The following TCN1 variants were observed in gnomAD, a reference collection of about 807,000 sequenced individuals.
TCN1 encodes transcobalamin 1, also known as transcobalamin-1.
In TCN1, 47 loss-of-function variants were observed where a neutral mutation model predicts 46.3. That is an observed-to-expected ratio of 1.01 (90% CI 0.80 to 1.29). The LOEUF (loss-of-function observed/expected upper bound fraction) is 1.29, where lower values mean the gene tolerates loss of function less well. TCN1 is among the 50% of genes most tolerant of loss of function. The pLI is 0.00. For synonymous variants in TCN1, 183 were observed against 192.5 expected (o/e 0.95, Z 0.41); for missense variants, 532 against 511.0 (o/e 1.04, Z -0.40).
rs745904987 is a variant in TCN1 at position 59,864,063 on chromosome 11, G to C, written c.103C>G (p.Arg35Gly). The change falls in exon 2 of 9, where the codon CGC becomes GGC. Residue 35 changes from arginine to glycine, a missense_variant. Coordinates refer to ENST00000257264, the MANE Select transcript of TCN1 (RefSeq NM_001062.4). ...ATTGTATTCAACAGAGGTTTTAGGCGGATGTAGTTTTCTTCACTTACCTCT... is the reference window on the plus strand; with the variant it reads ...ATTGTATTCAACAGAGGTTTTAGGCCGATGTAGTTTTCTTCACTTACCTCT... Reference protein sequence around the residue: ...ICEVSEENYIRLKPLLNTMIQ... With the variant: ...ICEVSEENYIGLKPLLNTMIQ... 6.2e-7 allele frequency: 1 copy of C among 1,613,830 alleles called. No individual in the cohort carries two copies. The highest frequency in any genetic ancestry group is 1.1e-5 in the South Asian group (1 of 91,078).
At position 59,866,464 on chromosome 11, in the gene TCN1, G is replaced by C. The variant is rs779076613; in HGVS notation, c.7C>G (p.Gln3Glu). The C allele has an allele frequency of 2.5e-6, 4 of 1,613,412 alleles. No homozygotes were observed. The highest frequency in any genetic ancestry group is 1.3e-5 in the African/African-American group (1 of 75,024). The change falls in exon 1 of 9, where the codon CAG becomes GAG. Residue 3 changes from glutamine (Q) to glutamate (E), a missense_variant. Coordinates refer to ENST00000257264, the MANE Select transcript of TCN1 (RefSeq NM_001062.4). ...CCCACTAGGGGCAGCTGGTGTGACT[G>C]TCTCATCTCTCCAACAGTGTACCAG... MRQSHQLPLVGLL... is the reference protein window; with the variant it reads MRESHQLPLVGLL...
At chr11:59,857,619 C>G (rs934196132) in intron 5 of TCN1, among the ~76,000 whole-genome samples, 3 of 151,990 alleles carry the variant, frequency 2.0e-5, no homozygotes, top group Non-Finnish European at 4.4e-5. Flanking sequence ...CTGAGTCAGC[C>G]TGGAAAATAT....
At position 59,863,765 on chromosome 11, in the gene TCN1, T is replaced by G. The variant is rs1169037455; in HGVS notation, c.259+142A>C. ...ATGGCATGGGATTGTATTTTGGGCA[T>G]GTTTCTGTTACCTCAAGTTTGGTAC... On this transcript the variant is annotated intron_variant, in intron 2 of 8. Transcript: ENST00000257264. 4.1e-6 allele frequency: 4 copies of G among 974,602 alleles called. No individual in the cohort carries two copies. In the East Asian group the frequency reaches 7.7e-5, roughly 19 times the overall value. 60.4% of individuals were successfully genotyped at this position (974,602 alleles called of 1,614,324 possible).
chr11:59,852,989 A>G lies in TCN1; in HGVS notation c.1288T>C (p.Trp430Arg), dbSNP rs920298124. Residue 430 changes from tryptophan (W) to arginine (R), a missense_variant, in exon 9 of 9, where the codon TGG becomes CGG. Trp to Arg is a moderately radical substitution (Grantham distance 101, BLOSUM62 -3). Transcript: ENST00000257264. ...VRNGENLEVR[W>R]SKY ...GTTTGGGCTTATTAGTATTTGCTCC[A>G]GCGAACCTCCAAGTTTTCTCCATTG... 3.1e-6 allele frequency: 5 copies of G among 1,614,178 alleles called. No homozygotes were observed. Among genetic ancestry groups the G allele is most frequent in the Non-Finnish European group, 3.4e-6 (4 of 1,180,018 alleles).
intron 4 of TCN1, among the ~76,000 whole-genome samples, chr11:59,859,551 T>C (rs1011514206): frequency 7.9e-5 from 12 of 152,224 alleles, no homozygotes; most frequent in Non-Finnish European, 1.8e-4. Flanking sequence ...CCACTTAAGG[T>C]TACTTAAGGG....
chr11:59,864,933 G>A (rs1257673785), intron 1 of TCN1, among the ~76,000 whole-genome samples: 1 of 152,086 alleles, frequency 6.6e-6, no homozygotes, highest in East Asian at 1.9e-4. Context: ...CACATTTTGT[G>A]CTCCTTAACT....
chr11:59,862,547 A>G, intron 3 of TCN1, 35 bp downstream of exon 3: 2 of 1,610,396 alleles, frequency 1.2e-6, no homozygotes, highest in Non-Finnish European at 1.7e-6. Context: ...GGAGAAGACA[A>G]GGTAGTCTAG....
rs746127003 is a variant in TCN1, at chr11:59,859,060, T to C, written c.747+17A>G. The C allele has an allele frequency of 1.2e-5, 20 of 1,611,744 alleles. 1 individual carries two copies. In the South Asian group the frequency reaches 2.0e-4, roughly 16 times the overall value. The stretch of plus-strand genomic sequence containing the variant: ...GAAGACTCCCTTCTCTGCCTCCTGT[T>C]TCACCCTCTGACTTACCTGCATGGC... On this transcript the variant is annotated intron_variant, in intron 5 of 8. Transcript: ENST00000257264.
chr11:59,864,126 G>A (rs1314566736), intron 1 of TCN1, 40 bp from the exon 2 acceptor site: 2 of 1,602,364 alleles, frequency 1.2e-6, no homozygotes, highest in East Asian at 2.2e-5. Flanking sequence ...CACATACTCA[G>A]AAAATAGTAA....
At position 59,854,790 on chromosome 11, in the gene TCN1, G is replaced by A. The variant is rs762045525; in HGVS notation, c.983C>T (p.Pro328Leu). ...GACGGAGATATATGATTGTGAGTCA[G>A]GAGGTGTCACAGTTATAGGCTCATC... ...SADEPITVTP[P>L]DSQSYISVNY... Residue 328 changes from proline to leucine, a missense_variant, in exon 7 of 9, where the codon CCT (proline) becomes CTT (leucine). Coordinates refer to ENST00000257264, the MANE Select transcript of TCN1 (RefSeq NM_001062.4). The A allele has an allele frequency of 5.0e-6, 8 of 1,614,058 alleles. No homozygotes were observed. The highest frequency in any genetic ancestry group is 6.8e-6 in the Non-Finnish European group (8 of 1,179,918).
At chr11:59,861,423 G>A in intron 4 of TCN1, 104 bp downstream of exon 4, 1 of 1,266,446 alleles carries the variant, frequency 7.9e-7, no homozygotes, top group Non-Finnish European at 1.2e-6. Flanking sequence ...GAGCAAAGAG[G>A]GTAGAAAATA....
chr11:59,857,336 GCTC>G (rs1852955150), intron 5 of TCN1, among the ~76,000 whole-genome samples: 1 of 152,104 alleles, frequency 6.6e-6, no homozygotes. Context: ...TTTTCTAAGA[GCTC>G]CTTCAGGTGA....
rs1389145288 is a variant in TCN1 at position 59,866,456 on chromosome 11, G to A, written c.15C>T (p.His5=). Residue 5 remains histidine, a synonymous_variant, in exon 1 of 9, where the codon CAC becomes CAT. Coordinates refer to ENST00000257264, the MANE Select transcript of TCN1 (RefSeq NM_001062.4). MRQS[H]QLPLVGLLLF... ...GTAAGAGCCCCACTAGGGGCAGCTG[G>A]TGTGACTGTCTCATCTCTCCAACAG... The A allele has an allele frequency of 2.3e-5, 37 of 1,613,334 alleles. No homozygotes were observed. Among genetic ancestry groups the A allele is most frequent in the South Asian group, 3.3e-5 (3 of 91,078 alleles).
chr11:59,856,956 A>T (rs139314319), intron 5 of TCN1, among the ~76,000 whole-genome samples: 1 of 152,126 alleles, frequency 6.6e-6, no homozygotes. Flanking sequence ...CAAGACAGGA[A>T]CTAAGGTGGG....
At position 59,854,282 on chromosome 11, in the gene TCN1, G is replaced by A. The variant is rs551479622; in HGVS notation, c.1121+370C>T. On this transcript the variant is annotated intron_variant, in intron 7 of 8. Coordinates refer to ENST00000257264, the MANE Select transcript of TCN1 (RefSeq NM_001062.4). ...TGTGTGTATGTTCATTTTTTTCCTG[G>A]ATGAACATTCATTACATTCACTTGA... Among the ~76,000 whole-genome samples, 115 of 151,366 alleles carry A rather than the reference G, an allele frequency of 7.6e-4. 9 individuals are homozygous for A. Among genetic ancestry groups the A allele is most frequent in the African/African-American group, 2.8e-3 (114 of 40,746 alleles).
Position 59,854,743 on chromosome 11 carries a change from C to CACCA in TCN1, c.1029_1030insTGGT (p.Glu344TrpfsTer2). The CACCA allele has an allele frequency of 1.9e-6, 3 of 1,613,984 alleles. No homozygotes were observed. The highest frequency in any genetic ancestry group is 2.5e-6 in the Non-Finnish European group (3 of 1,179,930). The stretch of plus-strand genomic sequence containing the variant: ...ACAGTGACATTGGTGAAATATGTTT[C>CACCA]ATTGATTCTCACAGAGTAATTGACG... On this transcript the variant is annotated frameshift_variant, in exon 7 of 9. Coordinates refer to ENST00000257264, the MANE Select transcript of TCN1 (RefSeq NM_001062.4). LOFTEE classifies it high-confidence loss of function.
At chr11:59,856,085 G>GGGGGGGGGCCC in intron 5 of TCN1, 27 bp from the exon 6 acceptor site, 1 of 585,326 alleles carries the variant, frequency 1.7e-6, no homozygotes, top group Non-Finnish European at 3.2e-6. Context: ...GGGTGGGGGG[G>GGGGGGGGGCCC]TGATGAGAGA....
intron 3 of TCN1, among the ~76,000 whole-genome samples, chr11:59,862,241 G>T (rs1048160809): frequency 2.0e-5 from 3 of 152,010 alleles, no homozygotes. Context: ...GTATTGTTCA[G>T]CTATTTCTGG....
chr11:59,856,085 G>GGGGGGGGGGGGGGGGC, intron 5 of TCN1, 27 bp from the exon 6 acceptor site: 22 of 585,324 alleles, frequency 3.8e-5, no homozygotes, highest in East Asian at 9.8e-5. Flanking sequence ...GGGTGGGGGG[G>GGGGGGGGGGGGGGGGC]TGATGAGAGA....
Sources: allele counts gnomAD v4.1 joint callset (sites outside exome capture counted in the v4.1 genomes callset), GRCh38; gene constraint gnomAD v4.1.1; transcripts MANE v1.5; gene names NCBI Gene and HGNC (gene_info 2026-07-23, HGNC 2026-07-21).